The following TMEM132D variants were observed in gnomAD, a reference collection of about 807,000 sequenced individuals.
TMEM132D encodes transmembrane protein 132D, also known as mature OL transmembrane protein.
A neutral mutation model predicts 62.3 loss-of-function variants in TMEM132D; 21 were observed. The ratio of observed to expected loss-of-function variants is 0.34; its 90% CI spans 0.24 to 0.49. TMEM132D has a LOEUF of 0.49. Ranked by LOEUF, TMEM132D falls within the 20% of genes least tolerant of loss-of-function variation. TMEM132D has a pLI of 0.99. For missense variants in TMEM132D, 1,346 were observed against 1,402.8 expected (o/e 0.96, Z 0.65); for synonymous variants, 621 against 575.6 (o/e 1.08, Z -1.13).
rs541702978 is a variant in TMEM132D, at chr12:129,248,655, C to T, written c.1300-38992G>A. 3.3e-5 allele frequency among the ~76,000 whole-genome samples: 5 copies of T among 152,046 alleles called. 1 individual carries two copies. In the South Asian group the frequency reaches 1.0e-3, roughly 32 times the overall value. The stretch of plus-strand genomic sequence containing the variant: ...TTTGTTGTACAGATTATTTCATCAC[C>T]CAGGTATTAAGCCTAGTATCCATTA... On this transcript the variant is annotated intron_variant, in intron 4 of 8. Transcript: ENST00000422113.
At chr12:129,645,481 T>G (rs1371577596) in intron 2 of TMEM132D, among the ~76,000 whole-genome samples, 1 of 152,216 alleles carries the variant, frequency 6.6e-6, no homozygotes, top group Non-Finnish European at 1.5e-5. Context: ...CTCTTATTGA[T>G]CAGTCTGTCT....
chr12:129,469,831 C>T (rs925148599), intron 3 of TMEM132D, among the ~76,000 whole-genome samples: 1 of 152,184 alleles, frequency 6.6e-6, no homozygotes, highest in Non-Finnish European at 1.5e-5. Flanking sequence ...AAATATTTTG[C>T]ATTGTGATAC....
intron 5 of TMEM132D, among the ~76,000 whole-genome samples, chr12:129,094,779 A>G (rs1875044284): frequency 6.6e-6 from 1 of 152,212 alleles, no homozygotes. Context: ...CTTGGAACCA[A>G]GCCAAATGTC....
chr12:129,757,651 C>T (rs1405125207), intron 1 of TMEM132D, among the ~76,000 whole-genome samples: 2 of 152,172 alleles, frequency 1.3e-5, no homozygotes, highest in Admixed American at 6.5e-5. Flanking sequence ...TGACTTCCTC[C>T]AGAGCTGCCA....
At chr12:129,526,502 C>T (rs1227565800) in intron 3 of TMEM132D, among the ~76,000 whole-genome samples, 1 of 152,140 alleles carries the variant, frequency 6.6e-6, no homozygotes, top group African/African-American at 2.4e-5. Flanking sequence ...CCAGGATGGT[C>T]TCGAACTCCT....
intron 5 of TMEM132D, among the ~76,000 whole-genome samples, chr12:129,102,504 A>G (rs57991786): frequency 0.03 from 4,540 of 151,072 alleles, 320 homozygotes; most frequent in East Asian, 0.19. Flanking sequence ...ACACTTGCAT[A>G]TGCACGCACA....
chr12:129,546,063 G>T (rs967671596), intron 2 of TMEM132D, among the ~76,000 whole-genome samples: 4 of 152,138 alleles, frequency 2.6e-5, no homozygotes, highest in African/African-American at 9.7e-5. Flanking sequence ...CACTCTGTTA[G>T]CATCTTCTGC....
At chr12:129,218,998 C>T (rs770890147) in intron 4 of TMEM132D, among the ~76,000 whole-genome samples, 1 of 152,144 alleles carries the variant, frequency 6.6e-6, no homozygotes, top group Non-Finnish European at 1.5e-5. Context: ...TTACAGGTTT[C>T]CCCGGGTGTG....
intron 1 of TMEM132D, among the ~76,000 whole-genome samples, chr12:129,829,026 T>A (rs1872750408): frequency 6.6e-6 from 1 of 151,916 alleles, no homozygotes. Context: ...ACCACTGTGC[T>A]TCTGAACCAA....
chr12:129,321,190 A>C (rs752215963), intron 4 of TMEM132D, among the ~76,000 whole-genome samples: 1 of 152,210 alleles, frequency 6.6e-6, no homozygotes, highest in Non-Finnish European at 1.5e-5. Context: ...ACAATTTCCC[A>C]GTGGAGATGT....
intron 4 of TMEM132D, among the ~76,000 whole-genome samples, chr12:129,278,616 C>G (rs899326289): frequency 2.6e-5 from 4 of 152,154 alleles, no homozygotes; most frequent in African/African-American, 9.7e-5. Context: ...CATGAAATGA[C>G]TGCCGTTCAA....
intron 2 of TMEM132D, among the ~76,000 whole-genome samples, chr12:129,602,751 A>G (rs1878514511): frequency 6.6e-6 from 1 of 152,192 alleles, no homozygotes; most frequent in African/African-American, 2.4e-5. Flanking sequence ...CAGAGGGTTA[A>G]TGTGTGTATT....
intron 3 of TMEM132D, among the ~76,000 whole-genome samples, chr12:129,486,753 A>C (rs548865146): frequency 2.0e-5 from 3 of 152,044 alleles, no homozygotes; most frequent in African/African-American, 7.2e-5. Context: ...TCTTTCTTGT[A>C]TGCTTCCTTC....
chr12:129,359,255 G>A (rs1180890575), intron 3 of TMEM132D, among the ~76,000 whole-genome samples: 1 of 152,048 alleles, frequency 6.6e-6, no homozygotes, highest in African/African-American at 2.4e-5. Flanking sequence ...TATTTAGAGG[G>A]GCTGGGCCGG....
intron 3 of TMEM132D, among the ~76,000 whole-genome samples, chr12:129,507,513 T>G (rs78174835): frequency 0.018 from 2,717 of 152,184 alleles, 41 homozygotes; most frequent in Middle Eastern, 0.037. Context: ...ATAAATATAA[T>G]GAAATACTCA....
intron 1 of TMEM132D, among the ~76,000 whole-genome samples, chr12:129,707,412 T>C (rs905791808): frequency 2.2e-4 from 34 of 151,848 alleles, no homozygotes; most frequent in Non-Finnish European, 2.9e-5. Context: ...AGAAAAAGCT[T>C]GTGTAATTCT....
At chr12:129,320,143 G>A (rs867933512) in intron 4 of TMEM132D, among the ~76,000 whole-genome samples, 1 of 152,146 alleles carries the variant, frequency 6.6e-6, no homozygotes, top group Admixed American at 6.5e-5. Flanking sequence ...AATCAAAATA[G>A]GGTGCTGAAA....
At chr12:129,199,828 C>T (rs1878649939) in intron 5 of TMEM132D, among the ~76,000 whole-genome samples, 1 of 152,118 alleles carries the variant, frequency 6.6e-6, no homozygotes, top group South Asian at 2.1e-4. Flanking sequence ...AGACCCGCCC[C>T]CACGTTTCAA....
At chr12:129,270,508 C>T (rs934043589) in intron 4 of TMEM132D, among the ~76,000 whole-genome samples, 1 of 152,154 alleles carries the variant, frequency 6.6e-6, no homozygotes, top group Non-Finnish European at 1.5e-5. Flanking sequence ...GCCAATGTAC[C>T]GTACGTACAC....
Sources: gnomAD v4.1 joint callset for allele counts (sites outside exome capture counted in the v4.1 genomes callset) on GRCh38, gnomAD v4.1.1 for gene constraint, MANE v1.5 for transcripts, NCBI Gene and HGNC (gene_info 2026-07-23, HGNC 2026-07-21) for gene names.